The following CDKAL1 variants were observed in gnomAD, a reference collection of about 807,000 sequenced individuals.
CDKAL1 encodes threonylcarbamoyladenosine tRNA methylthiotransferase.
A neutral mutation model predicts 68.2 loss-of-function variants in CDKAL1; 32 were observed. The observed-to-expected ratio is 0.47, with a 90% CI of 0.35 to 0.63. The LOEUF (loss-of-function observed/expected upper bound fraction) is 0.63. CDKAL1 is among the 30% of genes least tolerant of loss of function. The pLI is 0.00. For missense variants in CDKAL1, 606 were observed against 696.7 expected (o/e 0.87, Z 1.47); for synonymous variants, 234 against 244.3 (o/e 0.96, Z 0.39).
At chr6:20,825,353 T>C (rs373437916) in intron 8 of CDKAL1, among the ~76,000 whole-genome samples, 7 of 152,216 alleles carry the variant, frequency 4.6e-5, no homozygotes, top group African/African-American at 1.7e-4. Flanking sequence ...TTACAGTGGG[T>C]TCTGTTGAGA....
At position 21,092,044 on chromosome 6, in the gene CDKAL1, G is replaced by A. The variant is rs192188085; in HGVS notation, c.1237-16357G>A. 6.7e-3 allele frequency among the ~76,000 whole-genome samples: 1,014 copies of A among 151,180 alleles called. 10 individuals carry two copies. The highest frequency in any genetic ancestry group is 0.024 in the African/African-American group (970 of 41,198). On this transcript the variant is annotated intron_variant, in intron 12 of 15. Transcript: ENST00000274695. ...TGGGACTACAGGCGCCCGCCACTAC[G>A]CCTGGCTCATTTTTTGTATTTTTAG...
At chr6:20,768,930 T>A (rs1055771614) in intron 7 of CDKAL1, among the ~76,000 whole-genome samples, 11 of 152,092 alleles carry the variant, frequency 7.2e-5, no homozygotes, top group Non-Finnish European at 1.5e-4. Context: ...TCCAGACTAT[T>A]GGGAAACTGG....
At chr6:20,595,587 G>T (rs183768149) in intron 4 of CDKAL1, among the ~76,000 whole-genome samples, 1 of 151,724 alleles carries the variant, frequency 6.6e-6, no homozygotes, top group South Asian at 2.1e-4. Context: ...CTTTTTTCAG[G>T]GTTCTTTGCT....
chr6:21,029,483 G>A (rs1483808481), intron 11 of CDKAL1, among the ~76,000 whole-genome samples: 1 of 152,116 alleles, frequency 6.6e-6, no homozygotes, highest in Non-Finnish European at 1.5e-5. Context: ...TGGCAAATGG[G>A]ATCTAATTAA....
intron 5 of CDKAL1, among the ~76,000 whole-genome samples, chr6:20,668,911 T>C (rs55636926): frequency 0.078 from 11,831 of 152,240 alleles, 1,469 homozygotes; most frequent in African/African-American, 0.26. Flanking sequence ...TTGATATTTC[T>C]TCATGGTTAG....
intron 9 of CDKAL1, among the ~76,000 whole-genome samples, chr6:20,853,519 G>T (rs1759153375): frequency 2.0e-5 from 3 of 152,216 alleles, no homozygotes; most frequent in South Asian, 4.1e-4. Context: ...TTCTGGTTCT[G>T]TGTCTAATAT....
rs1055685219 is a variant in CDKAL1, at chr6:20,636,984, C to T, written c.287-12309C>T. Among the ~76,000 whole-genome samples, 49 of 146,216 alleles carry T rather than the reference C, an allele frequency of 3.4e-4. 2 individuals carry two copies. Among genetic ancestry groups the T allele is most frequent in the Non-Finnish European group, 1.3e-4 (9 of 67,282 alleles). On this transcript the variant is annotated intron_variant, in intron 4 of 15. Coordinates refer to ENST00000274695, the MANE Select transcript of CDKAL1 (RefSeq NM_017774.3). ...CCCGGGAAGCAGAAGTTGCAGTGAG[C>T]GGAAATCGCACCACTGCACTCCAGC...
chr6:20,782,505 T>C (rs1020112472), intron 8 of CDKAL1, among the ~76,000 whole-genome samples: 7 of 152,176 alleles, frequency 4.6e-5, no homozygotes, highest in African/African-American at 1.7e-4. Flanking sequence ...TTTTTTCCCC[T>C]TCATTCAAAC....
chr6:20,982,925 C>G (rs60896982), intron 10 of CDKAL1, among the ~76,000 whole-genome samples: 5,159 of 152,188 alleles, frequency 0.034, 294 homozygotes, highest in African/African-American at 0.12. Flanking sequence ...GGAACTTTTT[C>G]TTCATCTCTC....
intron 6 of CDKAL1, among the ~76,000 whole-genome samples, chr6:20,751,073 C>T (rs774994890): frequency 1.7e-4 from 25 of 144,986 alleles, no homozygotes; most frequent in Non-Finnish European, 3.6e-4. Flanking sequence ...GAGCATGAAA[C>T]AGAGTAATTG....
At chr6:21,103,700 C>T (rs940594856) in intron 12 of CDKAL1, among the ~76,000 whole-genome samples, 3 of 152,096 alleles carry the variant, frequency 2.0e-5, no homozygotes, top group African/African-American at 7.2e-5. Flanking sequence ...TTGAAGGTAC[C>T]TTGTACAATT....
At chr6:20,913,162 A>G (rs1272051957) in intron 9 of CDKAL1, among the ~76,000 whole-genome samples, 1 of 109,152 alleles carries the variant, frequency 9.2e-6, no homozygotes, top group Non-Finnish European at 1.9e-5. Flanking sequence ...CACACACATT[A>G]CCACAAATGT....
intron 9 of CDKAL1, among the ~76,000 whole-genome samples, chr6:20,860,109 G>A (rs144556072): frequency 8.4e-4 from 128 of 151,846 alleles, no homozygotes; most frequent in African/African-American, 3.0e-3. Flanking sequence ...ATGGAGTCTC[G>A]CTTTGTTGCC....
At chr6:20,684,417 T>G (rs926829282) in intron 5 of CDKAL1, among the ~76,000 whole-genome samples, 2 of 152,178 alleles carry the variant, frequency 1.3e-5, no homozygotes, top group African/African-American at 4.8e-5. Context: ...ACTCCAGCCT[T>G]GGTGTCAGAG....
At chr6:21,111,938 T>A (rs1774137948) in intron 13 of CDKAL1, among the ~76,000 whole-genome samples, 1 of 152,218 alleles carries the variant, frequency 6.6e-6, no homozygotes, top group African/African-American at 2.4e-5. Flanking sequence ...ATTATGTTGT[T>A]TCCTTTGTCA....
At chr6:20,703,784 CTG>C (rs1771479293) in intron 5 of CDKAL1, among the ~76,000 whole-genome samples, 1 of 151,870 alleles carries the variant, frequency 6.6e-6, no homozygotes, top group Non-Finnish European at 1.5e-5. Flanking sequence ...GGAGAGGAGA[CTG>C]TAGTAAGTGT....
At chr6:20,675,509 A>G (rs185223142) in intron 5 of CDKAL1, among the ~76,000 whole-genome samples, 23 of 152,344 alleles carry the variant, frequency 1.5e-4, no homozygotes, top group Non-Finnish European at 2.9e-4. Flanking sequence ...GATGGACTGC[A>G]TATATGATGG....
intron 8 of CDKAL1, among the ~76,000 whole-genome samples, chr6:20,810,295 G>A (rs775891166): frequency 2.5e-4 from 38 of 151,846 alleles, no homozygotes; most frequent in Non-Finnish European, 4.1e-4. Flanking sequence ...CAAAGTGCAG[G>A]AGTTGTTGTA....
chr6:20,859,843 C>T (rs931880899), intron 9 of CDKAL1, among the ~76,000 whole-genome samples: 1 of 152,204 alleles, frequency 6.6e-6, no homozygotes, highest in Non-Finnish European at 1.5e-5. Flanking sequence ...TGCACTTTCT[C>T]TAACTTGCTA....
Sources: gnomAD v4.1 joint callset for allele counts (sites outside exome capture counted in the v4.1 genomes callset) on GRCh38, gnomAD v4.1.1 for gene constraint, MANE v1.5 for transcripts, NCBI Gene and HGNC (gene_info 2026-07-23, HGNC 2026-07-21) for gene names.